The following PANX1 variants were observed in gnomAD, a reference collection of about 807,000 sequenced individuals.
The protein encoded by PANX1 is pannexin 1.
In PANX1, 30 loss-of-function variants were observed where a neutral mutation model predicts 38.7. That is an observed-to-expected ratio of 0.78 (90% CI 0.58 to 1.05). PANX1 has a LOEUF of 1.05. Ranked by LOEUF, PANX1 falls within the 50% of genes least tolerant of loss-of-function variation. The pLI, the probability that PANX1 is intolerant of heterozygous loss-of-function variation, is 0.00. For missense variants in PANX1, 551 were observed against 517.2 expected (o/e 1.07, Z -0.63); for synonymous variants, 230 against 212.2 (o/e 1.08, Z -0.73).
At chr11:94,131,775 C>A (rs1946632167) in intron 1 of PANX1, among the ~76,000 whole-genome samples, 1 of 152,136 alleles carries the variant, frequency 6.6e-6, no homozygotes, top group Non-Finnish European at 1.5e-5. Context: ...TAGATTAATA[C>A]ATGGAGTTGG....
rs536447095 is a variant in PANX1 at position 94,142,537 on chromosome 11, C to T, written c.182-10954C>T. ...GCTTTAAGGACTCAGTGTTTTCTTGCGCTGTTTTCCAAGCCTAGGTTCCCT... is the reference window on the plus strand; with the variant it reads ...GCTTTAAGGACTCAGTGTTTTCTTGTGCTGTTTTCCAAGCCTAGGTTCCCT... On this transcript the variant is annotated intron_variant, in intron 1 of 4. Transcript: ENST00000227638. Among the ~76,000 whole-genome samples the T allele has an allele frequency of 3.3e-4, 50 of 152,262 alleles. No homozygotes were observed. In the South Asian group the frequency reaches 3.9e-3, roughly 12 times the overall value.
At chr11:94,160,740 T>G (rs1438863806) in intron 2 of PANX1, among the ~76,000 whole-genome samples, 3 of 152,200 alleles carry the variant, frequency 2.0e-5, no homozygotes, top group Non-Finnish European at 2.9e-5. Flanking sequence ...AAATTAATAT[T>G]GTTATGTGTG....
In PANX1 at chr11:94,153,574, C is replaced by G. The variant is rs1160760425; in HGVS notation, c.265C>G (p.Gln89Glu). 1 of 1,614,068 alleles carries G rather than the reference C, an allele frequency of 6.2e-7. No individual in the cohort carries two copies. The highest frequency in any genetic ancestry group is 1.7e-5 in the Admixed American group (1 of 60,016). ...GGATTCATATTGCTGGGCGGCTGTTCAGCAGAAGAACTCACTGCAGAGCGA... is the reference window on the plus strand; with the variant it reads ...GGATTCATATTGCTGGGCGGCTGTTGAGCAGAAGAACTCACTGCAGAGCGA... ...FVDSYCWAAV[Q>E]QKNSLQSESG... The change falls in exon 2 of 5, where the codon CAG becomes GAG. Residue 89 changes from glutamine to glutamate, a missense_variant. Transcript: ENST00000227638.
chr11:94,145,208 C>G (rs540664269), intron 1 of PANX1, among the ~76,000 whole-genome samples: 1 of 152,264 alleles, frequency 6.6e-6, no homozygotes, highest in Non-Finnish European at 1.5e-5. Flanking sequence ...CCATGTGTTC[C>G]ATCTTAGAAA....
chr11:94,179,565 GA>G, intron 3 of PANX1, 36 bp from the exon 4 acceptor site: 1 of 1,497,040 alleles, frequency 6.7e-7, no homozygotes, highest in Non-Finnish European at 9.3e-7. Flanking sequence ...TGGTCTTGAT[GA>G]GTGCCTAAGT....
chr11:94,140,115 T>C (rs938513872), intron 1 of PANX1, among the ~76,000 whole-genome samples: 5 of 152,172 alleles, frequency 3.3e-5, no homozygotes, highest in Non-Finnish European at 7.3e-5. Flanking sequence ...CAGAAAGTGG[T>C]GAATATTTCA....
rs1946595665 is a variant in PANX1 at position 94,129,236 on chromosome 11, CT to C, written c.-76del. On this transcript the variant is annotated 5_prime_UTR_variant, in exon 1 of 5. The change abolishes the stop of an existing upstream ORF in the 5' untranslated region. Coordinates refer to ENST00000227638, the MANE Select transcript of PANX1 (RefSeq NM_015368.4). ...CGAAAGCCGCGCGCCCGGCCGGTGA[CT>C]GGGTGAAGGCGCCGCGCAGCTTTCC... The C allele has an allele frequency of 7.6e-7, 1 of 1,323,508 alleles. No homozygotes were observed. The allele number at this position is 1,323,508 out of a possible 1,614,324, so 82.0% of individuals were successfully genotyped here.
At chr11:94,135,403 G>C (rs1189090440) in intron 1 of PANX1, among the ~76,000 whole-genome samples, 2 of 152,210 alleles carry the variant, frequency 1.3e-5, no homozygotes, top group East Asian at 1.9e-4. Context: ...CTGAGTCAGC[G>C]GCTGGGTGGC....
chr11:94,129,605 G>C, intron 1 of PANX1, 112 bp downstream of exon 1: 2 of 972,414 alleles, frequency 2.1e-6, no homozygotes, highest in South Asian at 3.4e-5. Flanking sequence ...ATGGTCGTGA[G>C]CGTCAGGAAG....
intron 2 of PANX1, among the ~76,000 whole-genome samples, chr11:94,172,817 C>T (rs767456159): frequency 1.3e-5 from 2 of 151,728 alleles, no homozygotes; most frequent in African/African-American, 4.9e-5. Context: ...GAAGGCTGCT[C>T]CTTGTCACTT....
intron 1 of PANX1, among the ~76,000 whole-genome samples, chr11:94,149,028 T>C (rs188982809): frequency 2.2e-4 from 34 of 152,240 alleles, no homozygotes; most frequent in African/African-American, 5.5e-4. Flanking sequence ...TTTCCTCACC[T>C]TTAAAATAGG....
At chr11:94,164,625 G>C (rs1947082624) in intron 2 of PANX1, among the ~76,000 whole-genome samples, 1 of 152,230 alleles carries the variant, frequency 6.6e-6, no homozygotes, top group South Asian at 2.1e-4. Flanking sequence ...CTGTGAGAAT[G>C]TTCCATTTGC....
Position 94,179,716 on chromosome 11 carries a change from A to G in PANX1, c.660A>G (p.Thr220=). ...AGTACATTAGCTGCCGCCTGCTGAC[A>G]CTCATCATTATACTGTTAGCGTGTA... The part of the protein sequence containing the change: ...IIKYISCRLL[T]LIIILLACIY... The change falls in exon 4 of 5, where the codon ACA becomes ACG. Residue 220 remains threonine, a synonymous_variant. Coordinates refer to ENST00000227638, the MANE Select transcript of PANX1 (RefSeq NM_015368.4). 1.2e-6 allele frequency: 2 copies of G among 1,613,868 alleles called. No individual in the cohort carries two copies. Among genetic ancestry groups the G allele is most frequent in the Non-Finnish European group, 1.7e-6 (2 of 1,179,916 alleles).
At chr11:94,150,189 A>G (rs901611793) in intron 1 of PANX1, among the ~76,000 whole-genome samples, 2 of 136,846 alleles carry the variant, frequency 1.5e-5, no homozygotes, top group African/African-American at 7.4e-5. Context: ...AGAGGGGATC[A>G]TGTAAGGCAT....
chr11:94,137,826 TAGC>T (rs1275053540), intron 1 of PANX1, among the ~76,000 whole-genome samples: 213 of 140,514 alleles, frequency 1.5e-3, no homozygotes, highest in African/African-American at 5.4e-3. Context: ...GAAGAGAAAA[TAGC>T]AGTACATCTA....
chr11:94,178,675 C>G, intron 3 of PANX1, 83 bp downstream of exon 3: 1 of 1,085,894 alleles, frequency 9.2e-7, no homozygotes, highest in Non-Finnish European at 1.4e-6. Flanking sequence ...GCCCAGAGTT[C>G]TCATTGCTAG....
At chr11:94,131,524 C>G (rs1359015986) in intron 1 of PANX1, among the ~76,000 whole-genome samples, 1 of 152,196 alleles carries the variant, frequency 6.6e-6, no homozygotes, top group Non-Finnish European at 1.5e-5. Flanking sequence ...AGTCATTCAG[C>G]TGTGTGTAAT....
chr11:94,132,096 A>G (rs545386930), intron 1 of PANX1, among the ~76,000 whole-genome samples: 7 of 152,334 alleles, frequency 4.6e-5, no homozygotes, highest in East Asian at 3.9e-4. Flanking sequence ...CATGTTTTGC[A>G]TGGAGATTGA....
intron 1 of PANX1, among the ~76,000 whole-genome samples, chr11:94,137,552 C>T (rs1356455615): frequency 2.0e-5 from 3 of 151,606 alleles, no homozygotes; most frequent in African/African-American, 4.8e-5. Flanking sequence ...GAGGCAGGCC[C>T]CGCTGCATGC....
Sources: allele counts gnomAD v4.1 joint callset (sites outside exome capture counted in the v4.1 genomes callset), GRCh38; gene constraint gnomAD v4.1.1; transcripts MANE v1.5; gene names NCBI Gene and HGNC (gene_info 2026-07-23, HGNC 2026-07-21).